The following BAZ1A variants were observed in gnomAD, a reference collection of about 807,000 sequenced individuals.
BAZ1A encodes the protein bromodomain adjacent to zinc finger domain 1A, also known as bromodomain adjacent to zinc finger domain protein 1A.
Under a neutral mutation model 185.2 loss-of-function variants are expected in BAZ1A, and 50 were observed. The ratio of observed to expected loss-of-function variants is 0.27; its 90% CI spans 0.22 to 0.34. The LOEUF is 0.34. Ranked by LOEUF, BAZ1A falls within the 10% of genes least tolerant of loss-of-function variation. BAZ1A has a pLI of 1.00. For missense variants in BAZ1A, 1,356 were observed against 1,839.9 expected (o/e 0.74, Z 4.81); for synonymous variants, 571 against 615.6 (o/e 0.93, Z 1.07).
intron 3 of BAZ1A, among the ~76,000 whole-genome samples, chr14:34,831,783 T>C (rs1318841350): frequency 6.6e-6 from 1 of 152,136 alleles, no homozygotes; most frequent in Admixed American, 6.6e-5. Flanking sequence ...AGCATCCTAG[T>C]CTTGGTCCTT....
intron 20 of BAZ1A, among the ~76,000 whole-genome samples, chr14:34,772,201 G>C (rs1433987457): frequency 6.6e-6 from 1 of 152,060 alleles, no homozygotes; most frequent in Admixed American, 6.6e-5. Flanking sequence ...TGATTCACCT[G>C]TCTCAGCCTC....
intron 3 of BAZ1A, among the ~76,000 whole-genome samples, chr14:34,846,161 C>A (rs115995213): frequency 0.011 from 1,706 of 152,294 alleles, 35 homozygotes; most frequent in African/African-American, 0.036. Flanking sequence ...TGCTGCTAAT[C>A]AATTCTGAAA....
intron 2 of BAZ1A, among the ~76,000 whole-genome samples, chr14:34,868,118 A>T (rs1352906680): frequency 6.6e-6 from 1 of 152,248 alleles, no homozygotes; most frequent in Non-Finnish European, 1.5e-5. Context: ...CTACTGGCAC[A>T]GAGACCAAAC....
At chr14:34,864,002 G>C (rs1268699457) in intron 2 of BAZ1A, among the ~76,000 whole-genome samples, 1 of 151,706 alleles carries the variant, frequency 6.6e-6, no homozygotes, top group Non-Finnish European at 1.5e-5. Context: ...TTTTTTGAGA[G>C]TGTAGAGATG....
chr14:34,833,825 C>T (rs1277415409), intron 3 of BAZ1A, among the ~76,000 whole-genome samples: 1 of 152,076 alleles, frequency 6.6e-6, no homozygotes, highest in Non-Finnish European at 1.5e-5. Context: ...CTTAATGCCA[C>T]TGAACTGCAC....
intron 2 of BAZ1A, among the ~76,000 whole-genome samples, chr14:34,865,846 G>T (rs2042849569): frequency 6.6e-6 from 1 of 152,122 alleles, no homozygotes. Context: ...GGTAAAAAAA[G>T]ATTTTTAAAA....
In BAZ1A at chr14:34,796,165, T is replaced by TACACACACACACACACAC. The variant is rs61285890; in HGVS notation, c.1129-418_1129-401dup. ...AAATACAAACACATATACATATACATACACACACACACACACACACACACA... is the reference window on the plus strand; with the variant it reads ...AAATACAAACACATATACATATACATACACACACACACACACACACACACACACACACACACACACACA... On this transcript the variant is annotated intron_variant, in intron 9 of 26. Transcript: ENST00000360310. 6.5e-3 allele frequency among the ~76,000 whole-genome samples: 957 copies of TACACACACACACACACAC among 146,578 alleles called. 5 individuals carry two copies. Among genetic ancestry groups the TACACACACACACACACAC allele is most frequent in the South Asian group, 0.029 (133 of 4,580 alleles).
chr14:34,831,758 G>T (rs1045046132), intron 3 of BAZ1A, among the ~76,000 whole-genome samples: 1 of 151,994 alleles, frequency 6.6e-6, no homozygotes, highest in Non-Finnish European at 1.5e-5. Context: ...ATTTACATAA[G>T]TTCAATTAAA....
chr14:34,771,624 A>G lies in BAZ1A; in HGVS notation c.3188T>C (p.Val1063Ala). ...TTGTGGTGTACTTGCATTTGTTGAT[A>G]CAGTACTTGGAGTTTCTGTTTTTAT... ...LGIKTETPSTVSTNASTPQSV... is the reference protein window; with the variant it reads ...LGIKTETPSTASTNASTPQSV... Residue 1063 changes from valine (V) to alanine (A), a missense_variant, in exon 21 of 27, where the codon GTA (valine) becomes GCA (alanine). Around this residue, in one of 7 missense-constraint regions of BAZ1A, gnomAD observed 434 missense variants for 561.7 expected, o/e 0.77. Transcript: ENST00000360310. 1.2e-6 allele frequency: 2 copies of G among 1,614,076 alleles called. No individual in the cohort carries two copies. Among genetic ancestry groups the G allele is most frequent in the Non-Finnish European group, 1.7e-6 (2 of 1,179,996 alleles).
chr14:34,855,569 C>T (rs2138801770), intron 3 of BAZ1A, among the ~76,000 whole-genome samples: 1 of 152,182 alleles, frequency 6.6e-6, no homozygotes, highest in African/African-American at 2.4e-5. Flanking sequence ...TATTTTTATT[C>T]TTTATTTCTT....
intron 23 of BAZ1A, among the ~76,000 whole-genome samples, chr14:34,762,532 T>C (rs56975955): frequency 0.32 from 49,045 of 151,548 alleles, 8,136 homozygotes; most frequent in Non-Finnish European, 0.38. Flanking sequence ...GCTGGAGTGC[T>C]GTAGTACGAT....
chr14:34,818,622 A>T (rs1419637202), intron 4 of BAZ1A, among the ~76,000 whole-genome samples: 1 of 152,170 alleles, frequency 6.6e-6, no homozygotes, highest in African/African-American at 2.4e-5. Flanking sequence ...TTAAAGAAAA[A>T]AAATTCCAGA....
At chr14:34,869,591 G>A (rs926713329) in intron 2 of BAZ1A, among the ~76,000 whole-genome samples, 4 of 152,170 alleles carry the variant, frequency 2.6e-5, no homozygotes, top group African/African-American at 7.2e-5. Context: ...TCTTAGGATG[G>A]TTTTCATTGT....
rs762918292 is a variant in BAZ1A, at chr14:34,762,245, A to AC, written c.3777-23dup. ...TAGGCTATAAATATTGTTAGAAAACACAATTATTGTACAGAGCAATGATGA... is the reference window on the plus strand; with the variant it reads ...TAGGCTATAAATATTGTTAGAAAACACCAATTATTGTACAGAGCAATGATGA... On this transcript the variant is annotated intron_variant, in intron 23 of 26. Coordinates refer to ENST00000360310, the MANE Select transcript of BAZ1A (RefSeq NM_013448.3). The AC allele has an allele frequency of 3.7e-6, 6 of 1,601,038 alleles. No homozygotes were observed. The South Asian group carries it at 6.6e-5, about 18-fold the overall frequency.
chr14:34,813,561 G>A lies in BAZ1A; in HGVS notation c.537-2525C>T, dbSNP rs182398527. Among the ~76,000 whole-genome samples, 865 of 152,236 alleles carry A rather than the reference G, an allele frequency of 5.7e-3. 4 individuals carry two copies. Among genetic ancestry groups the A allele is most frequent in the South Asian group, 0.015 (71 of 4,822 alleles). On this transcript the variant is annotated intron_variant, in intron 4 of 26. Transcript: ENST00000360310. ...TAGCCAGGTGTGGTGGTGAGTGCCC[G>A]TAATCCGAGCTACTCAGGAGGCTGA...
intron 8 of BAZ1A, 146 bp downstream of exon 8, chr14:34,800,948 A>C (rs539723154): frequency 2.9e-5 from 17 of 589,170 alleles, no homozygotes; most frequent in Non-Finnish European, 4.0e-5. Flanking sequence ...ACAAACAAAT[A>C]AACAATAGTT....
chr14:34,813,610 G>A (rs1466870311), intron 4 of BAZ1A, among the ~76,000 whole-genome samples: 3 of 152,054 alleles, frequency 2.0e-5, no homozygotes, highest in Non-Finnish European at 2.9e-5. Context: ...CTTGAACTGG[G>A]AGGCAGAGGT....
intron 22 of BAZ1A, 36 bp from the exon 23 acceptor site, chr14:34,764,969 T>C (rs759562367): frequency 6.2e-7 from 1 of 1,613,494 alleles, no homozygotes; most frequent in Non-Finnish European, 8.5e-7. Context: ...TAATCATCTA[T>C]TGCTCAAAAT....
At chr14:34,765,753 C>T (rs953216813) in intron 21 of BAZ1A, among the ~76,000 whole-genome samples, 1 of 152,084 alleles carries the variant, frequency 6.6e-6, no homozygotes, top group African/African-American at 2.4e-5. Flanking sequence ...ATGGATTTTT[C>T]AGCACTAATA....
Sources: gnomAD v4.1 joint callset for allele counts (sites outside exome capture counted in the v4.1 genomes callset) on GRCh38, gnomAD v4.1.1 for gene constraint, gnomAD v4.1.1 regional missense constraint, MANE v1.5 for transcripts, NCBI Gene and HGNC (gene_info 2026-07-23, HGNC 2026-07-21) for gene names.